The following ASTN2 variants were observed in gnomAD, a reference collection of about 807,000 sequenced individuals.
ASTN2 encodes the protein astrotactin-2.
ASTN2 carries 54 observed loss-of-function variants against 139.8 expected under a neutral mutation model. The observed-to-expected ratio is 0.39, with a 90% CI of 0.31 to 0.48. ASTN2 has a LOEUF of 0.48. ASTN2 is among the 20% of genes least tolerant of loss of function. The probability of loss-of-function intolerance (pLI) is 0.95; values close to 1 mark genes in which losing one functional copy is unlikely to be tolerated. For missense variants in ASTN2, 1,565 were observed against 1,725.1 expected, an observed-to-expected ratio of 0.91 and a Z score of 1.64; for synonymous variants, 756 against 719.5, an observed-to-expected ratio of 1.05 and a Z score of -0.81.
At chr9:117,015,381 A>G (rs978746864) in intron 6 of ASTN2, among the ~76,000 whole-genome samples, 3 of 152,116 alleles carry the variant, frequency 2.0e-5, no homozygotes, top group African/African-American at 7.2e-5. Flanking sequence ...AGTAACCTTT[A>G]TTTTGTGCTT....
At chr9:116,637,848 G>A (rs146647444) in intron 17 of ASTN2, among the ~76,000 whole-genome samples, 1,779 of 152,308 alleles carry the variant, frequency 0.012, 50 homozygotes, top group African/African-American at 0.04. Flanking sequence ...GCTGAGGTTG[G>A]AGGATCGCTT....
intron 19 of ASTN2, among the ~76,000 whole-genome samples, chr9:116,530,123 A>T (rs1316603911): frequency 3.6e-4 from 20 of 55,462 alleles, no homozygotes; most frequent in African/African-American, 1.5e-3. Context: ...ATATATATAT[A>T]TATATATATA....
intron 1 of ASTN2, among the ~76,000 whole-genome samples, chr9:117,348,211 G>A (rs1829283445): frequency 6.6e-6 from 1 of 152,162 alleles, no homozygotes; most frequent in East Asian, 1.9e-4. Context: ...AAGGCAAAAT[G>A]AAGTGGATAT....
intron 1 of ASTN2, among the ~76,000 whole-genome samples, chr9:117,303,508 C>T (rs10983613): frequency 0.31 from 46,413 of 152,004 alleles, 8,187 homozygotes; most frequent in East Asian, 0.47. Flanking sequence ...TCTATCCAAA[C>T]GGCACCAACC....
At chr9:116,682,593 A>G (rs1859952785) in intron 16 of ASTN2, among the ~76,000 whole-genome samples, 1 of 152,240 alleles carries the variant, frequency 6.6e-6, no homozygotes, top group Admixed American at 6.5e-5. Context: ...TTACTGTGGC[A>G]CTATTCACAA....
chr9:116,500,109 C>T (rs1849804443), intron 19 of ASTN2, among the ~76,000 whole-genome samples: 2 of 152,276 alleles, frequency 1.3e-5, no homozygotes, highest in South Asian at 4.1e-4. Flanking sequence ...TGCCCAGCCT[C>T]ACCCTTTGCT....
intron 2 of ASTN2, among the ~76,000 whole-genome samples, chr9:117,218,640 T>C (rs1832411355): frequency 6.6e-6 from 1 of 152,194 alleles, no homozygotes; most frequent in African/African-American, 2.4e-5. Context: ...TCAGAGCATG[T>C]GGGAAAAAGC....
Position 117,008,267 on chromosome 9 carries a change from T to G in ASTN2, c.1424-8A>C. 1 of 1,587,566 alleles carries G rather than the reference T, an allele frequency of 6.3e-7. No individual in the cohort carries two copies. Among genetic ancestry groups the G allele is most frequent in the African/African-American group, 1.3e-5 (1 of 74,656 alleles). On this transcript the variant is annotated splice_region_variant and splice_polypyrimidine_tract_variant and intron_variant, in intron 6 of 22. Transcript: ENST00000313400. ...TCACCACGAAGCTGCTTCCTATGGG[T>G]GAACGGAGAGACAGATACTTTCTTA...
At chr9:116,857,125 G>A (rs1377089019) in intron 11 of ASTN2, among the ~76,000 whole-genome samples, 1 of 152,184 alleles carries the variant, frequency 6.6e-6, no homozygotes, top group African/African-American at 2.4e-5. Flanking sequence ...GCATAAGGTT[G>A]GTTAAAAGAA....
chr9:116,920,486 T>A (rs1834574545), intron 10 of ASTN2, among the ~76,000 whole-genome samples: 1 of 152,196 alleles, frequency 6.6e-6, no homozygotes, highest in Non-Finnish European at 1.5e-5. Context: ...TGGGTCAGGA[T>A]CCCACCTGTC....
chr9:116,737,346 A>G (rs1274268371), intron 13 of ASTN2, among the ~76,000 whole-genome samples: 1 of 152,142 alleles, frequency 6.6e-6, no homozygotes, highest in Non-Finnish European at 1.5e-5. Context: ...ATGGAAGCCT[A>G]GACAACAGCT....
chr9:116,899,987 C>A (rs112377783), intron 10 of ASTN2, among the ~76,000 whole-genome samples: 1 of 152,190 alleles, frequency 6.6e-6, no homozygotes, highest in Non-Finnish European at 1.5e-5. Context: ...CTATTCATTT[C>A]ATCCCCAACC....
intron 17 of ASTN2, among the ~76,000 whole-genome samples, chr9:116,632,868 TC>T (rs1037476733): frequency 1.3e-5 from 2 of 152,226 alleles, no homozygotes; most frequent in African/African-American, 4.8e-5. Context: ...ATGTCTGTCC[TC>T]CCTACTGGAC....
intron 1 of ASTN2, among the ~76,000 whole-genome samples, chr9:117,379,767 T>C (rs1830217145): frequency 6.6e-6 from 1 of 152,174 alleles, no homozygotes; most frequent in Non-Finnish European, 1.5e-5. Flanking sequence ...AAGAAGAAAG[T>C]TCCATAATTG....
intron 3 of ASTN2, among the ~76,000 whole-genome samples, chr9:117,153,470 GTGAC>G (rs1830367332): frequency 6.6e-6 from 1 of 152,128 alleles, no homozygotes; most frequent in African/African-American, 2.4e-5. Flanking sequence ...TGTTGTGGCA[GTGAC>G]TGACTGAAAC....
intron 10 of ASTN2, among the ~76,000 whole-genome samples, chr9:116,871,072 C>G (rs551293574): frequency 5.1e-4 from 77 of 152,168 alleles, no homozygotes; most frequent in African/African-American, 1.7e-3. Flanking sequence ...TCCTGGCTAA[C>G]ATGGTTAAAC....
chr9:117,319,321 TG>T (rs1298602673), intron 1 of ASTN2, among the ~76,000 whole-genome samples: 3 of 152,214 alleles, frequency 2.0e-5, no homozygotes, highest in Non-Finnish European at 2.9e-5. Context: ...TAATAAAACC[TG>T]GGTTCTACCA....
At chr9:116,590,971 A>G (rs1261978732) in intron 19 of ASTN2, among the ~76,000 whole-genome samples, 3 of 152,204 alleles carry the variant, frequency 2.0e-5, no homozygotes, top group African/African-American at 4.8e-5. Flanking sequence ...CTGTCACTCA[A>G]TGAAGCTCCT....
chr9:116,492,380 C>T (rs1336816913), intron 19 of ASTN2, among the ~76,000 whole-genome samples: 2 of 152,122 alleles, frequency 1.3e-5, no homozygotes, highest in African/African-American at 4.8e-5. Context: ...CTGTGAGAGC[C>T]TTGTTTTTCT....
Sources: allele counts gnomAD v4.1 joint callset (sites outside exome capture counted in the v4.1 genomes callset), GRCh38; gene constraint gnomAD v4.1.1; transcripts MANE v1.5; gene names NCBI Gene and HGNC (gene_info 2026-07-23, HGNC 2026-07-21).